Variants in ADAM30 observed in about 807,000 individuals in gnomAD.
ADAM30 encodes disintegrin and metalloproteinase domain-containing protein 30.
For missense variants in ADAM30, 960 were observed against 959.4 expected (o/e 1.00, Z -0.01); for synonymous variants, 382 against 340.9 (o/e 1.12, Z -1.33).
In ADAM30 at chr1:119,896,019, T is replaced by G. The variant is rs1648576629; in HGVS notation, c.318A>C (p.Ile106=). 6.2e-7 allele frequency: 1 copy of G among 1,613,940 alleles called. No individual in the cohort carries two copies. The change falls in exon 1 of 1, where the codon ATA becomes ATC. Residue 106 remains isoleucine (I), a synonymous_variant. Coordinates refer to ENST00000369400, the MANE Select transcript of ADAM30 (RefSeq NM_021794.4). The stretch of plus-strand genomic sequence containing the variant: ...AGCCCATGTAGTTGCAGTCCTTTGG[T>G]ATGTAAGGATGATCCTCCAGCAGTT... ...HGELLEDHPY[I]PKDCNYMGSV... is the part of the protein sequence containing the mutation.
rs1159166802 is a variant in ADAM30 at position 119,896,174 on chromosome 1, C to A, written c.163G>T (p.Val55Leu). Reference sequence around the variant, plus strand: ...GACACGGGACTGACCACACCCTGCACCTCTCCCCGGAAGCTCAGCTTCTCA... The same window carrying A: ...GACACGGGACTGACCACACCCTGCAACTCTCCCCGGAAGCTCAGCTTCTCA... ...IPEKLSFRGE[V>L]QGVVSPVSYL... is the part of the protein sequence containing the mutation. The change falls in exon 1 of 1, where the codon GTG becomes TTG. Residue 55 changes from valine (V) to leucine (L), a missense_variant. By Grantham distance (32) the Val-to-Leu change is conservative (BLOSUM62 1). Coordinates refer to ENST00000369400, the MANE Select transcript of ADAM30 (RefSeq NM_021794.4). 1.2e-6 allele frequency: 2 copies of A among 1,614,186 alleles called. No homozygotes were observed. Among genetic ancestry groups the A allele is most frequent in the South Asian group, 1.1e-5 (1 of 91,076 alleles).
chr1:119,894,569 C>T lies in ADAM30; in HGVS notation c.1768G>A (p.Gly590Ser), dbSNP rs778426205. Residue 590 changes from glycine to serine, a missense_variant, in exon 1 of 1, where the codon GGC (glycine) becomes AGC (serine). Physicochemically the swap from Gly to Ser is moderately conservative, Grantham distance 56 (BLOSUM62 0). Coordinates refer to ENST00000369400, the MANE Select transcript of ADAM30 (RefSeq NM_021794.4). ...QAENLMCWGTGYHLSMKPMGI... is the reference protein window; with the variant it reads ...QAENLMCWGTSYHLSMKPMGI... ...ATGGGTTTCATGGATAGATGATAGC[C>T]TGTGCCCCAGCACATGAGATTTTCT... The T allele has an allele frequency of 6.2e-6, 10 of 1,614,072 alleles. No individual in the cohort carries two copies. The highest frequency in any genetic ancestry group is 7.6e-6 in the Non-Finnish European group (9 of 1,180,038).
At position 119,894,993 on chromosome 1, in the gene ADAM30, A is replaced by G. The variant is rs1290663158; in HGVS notation, c.1344T>C (p.Cys448=). The G allele has an allele frequency of 1.2e-6, 2 of 1,614,222 alleles. No homozygotes were observed. The highest frequency in any genetic ancestry group is 1.7e-6 in the Non-Finnish European group (2 of 1,180,032). Residue 448 remains cysteine, a synonymous_variant, in exon 1 of 1, where the codon TGT becomes TGC. Coordinates refer to ENST00000369400, the MANE Select transcript of ADAM30 (RefSeq NM_021794.4). ...ACACGTATCCAGATGGACGAAACCG[A>G]CAATCATGACAGCAAAGTCCAATGC... The part of the protein sequence containing the change: ...NCSIGLCCHD[C]RFRPSGYVCR...
rs759255911 is a variant in ADAM30, at chr1:119,894,419, T to C, written c.1918A>G (p.Thr640Ala). 3 of 1,613,996 alleles carry C rather than the reference T, an allele frequency of 1.9e-6. 1 individual carries two copies. The highest frequency in any genetic ancestry group is 2.2e-5 in the South Asian group (2 of 91,082). The stretch of plus-strand genomic sequence containing the variant: ...TTTCTGTTGTTGCAAACACCCCGGG[T>C]ATTGCATTTCTCAGGCAAACAGTCA... ...QFDCLPEKCNTRGVCNNRKNC... is the reference protein window; with the variant it reads ...QFDCLPEKCNARGVCNNRKNC... The change falls in exon 1 of 1, where the codon ACC becomes GCC. Residue 640 changes from threonine to alanine, a missense_variant. Coordinates refer to ENST00000369400, the MANE Select transcript of ADAM30 (RefSeq NM_021794.4).
rs138324844 is a variant in ADAM30, at chr1:119,894,116, G to A, written c.2221C>T (p.Gln741Ter). 13 of 1,613,118 alleles carry A rather than the reference G, an allele frequency of 8.1e-6. No homozygotes were observed. In the African/African-American group the frequency reaches 1.1e-4, roughly 13 times the overall value. ...EQEESKTKTV[Q>*]EESKTKTGQE... The stretch of plus-strand genomic sequence containing the variant: ...CCAGTTTTTGTTTTAGATTCTTCCT[G>A]TACAGTTTTTGTTTTAGATTCTTCC... Residue 741 changes from glutamine to a stop codon, truncating the protein, a stop_gained, in exon 1 of 1, where the codon CAG becomes TAG. Transcript: ENST00000369400. LOFTEE classifies it low-confidence loss of function (END_TRUNC).
chr1:119,894,704 T>G lies in ADAM30; in HGVS notation c.1633A>C (p.Lys545Gln), dbSNP rs1648527968. 1 of 1,614,022 alleles carries G rather than the reference T, an allele frequency of 6.2e-7. No individual in the cohort carries two copies. The highest frequency in any genetic ancestry group is 1.7e-5 in the Admixed American group (1 of 59,992). The change falls in exon 1 of 1, where the codon AAA (lysine) becomes CAA (glutamine). Residue 545 changes from lysine to glutamine, a missense_variant. Physicochemically the swap from Lys to Gln is moderately conservative, Grantham distance 53. Coordinates refer to ENST00000369400, the MANE Select transcript of ADAM30 (RefSeq NM_021794.4). ...ATTGAATTTGCACTTTCACACTTTT[T>G]AAAATTTCGAATTCCTGTAATCTCA... ...NCEITGIRNF[K>Q]KCESANSICG...
chr1:119,895,810 T>C lies in ADAM30; in HGVS notation c.527A>G (p.Asp176Gly), dbSNP rs369891328. The change falls in exon 1 of 1, where the codon GAT becomes GGT. Residue 176 changes from aspartate (D) to glycine (G), a missense_variant. Asp to Gly is a moderately conservative substitution (Grantham distance 94). Transcript: ENST00000369400. ...QFGNQVCGLS[D>G]DEIEWQMAPY... ...GGCCATCTGCCATTCTATTTCATCA[T>C]CACTTAAGCCACAAACCTGATTCCC... The C allele has an allele frequency of 2.5e-6, 4 of 1,614,072 alleles. No homozygotes were observed. The Admixed American group carries it at 5.0e-5, about 20-fold the overall frequency.
chr1:119,895,958 T>A lies in ADAM30; in HGVS notation c.379A>T (p.Ser127Cys). ...KESLDSKATISTCMGGLRGVF... is the reference protein window; with the variant it reads ...KESLDSKATICTCMGGLRGVF... ...CCTCGGAGACCCCCCATGCATGTGC[T>A]TATAGTAGCTTTAGAGTCCAGAGAC... The change falls in exon 1 of 1, where the codon AGC becomes TGC. Residue 127 changes from serine to cysteine, a missense_variant. Transcript: ENST00000369400. 6.2e-7 allele frequency: 1 copy of A among 1,614,156 alleles called. No individual in the cohort carries two copies.
Position 119,894,605 on chromosome 1 carries a change from GAGTAGAAATTAT to G in ADAM30, c.1720_1731del (p.Ile574_Thr577del). On this transcript the variant is annotated inframe_deletion, in exon 1 of 1. Transcript: ENST00000369400. ...CACATGAGATTTTCTGCCTGTAAAT[GAGTAGAAATTAT>G]AGTCGTATGCTCTGGCAAATCAGGG... 6.2e-7 allele frequency: 1 copy of G among 1,614,144 alleles called. No homozygotes were observed. Among genetic ancestry groups the G allele is most frequent in the Non-Finnish European group, 8.5e-7 (1 of 1,180,036 alleles).
At position 119,895,971 on chromosome 1, in the gene ADAM30, A is replaced by C; in HGVS notation, c.366T>G (p.Ser122=). The C allele has an allele frequency of 2.5e-6, 4 of 1,614,190 alleles. No homozygotes were observed. The highest frequency in any genetic ancestry group is 3.4e-6 in the Non-Finnish European group (4 of 1,180,038). ...YMGSVKESLD[S]KATISTCMGG... ...CCATGCATGTGCTTATAGTAGCTTT[A>C]GAGTCCAGAGACTCTTTCACGGAGC... The change falls in exon 1 of 1, where the codon TCT becomes TCG. Residue 122 remains serine (S), a synonymous_variant. Transcript: ENST00000369400.
Position 119,894,302 on chromosome 1 carries a change from T to C in ADAM30, c.2035A>G (p.Arg679Gly). 1 of 1,614,198 alleles carries C rather than the reference T, an allele frequency of 6.2e-7. No homozygotes were observed. Among genetic ancestry groups the C allele is most frequent in the Admixed American group, 1.7e-5 (1 of 60,026 alleles). Residue 679 changes from arginine to glycine, a missense_variant, in exon 1 of 1, where the codon AGA becomes GGA. By Grantham distance (125) the Arg-to-Gly change is moderately radical. Transcript: ENST00000369400. Reference protein sequence around the residue: ...SIDSGPPGLLRGAIPSSIWVV... With the variant: ...SIDSGPPGLLGGAIPSSIWVV... ...CAAATTGACGAGGGAATCGCCCCTC[T>C]GAGCAGTCCTGGAGGCCCACTGTCA...
rs1466820627 is a variant in ADAM30, at chr1:119,894,877, G to C, written c.1460C>G (p.Thr487Ser). 1 of 1,614,130 alleles carries C rather than the reference G, an allele frequency of 6.2e-7. No individual in the cohort carries two copies. Among genetic ancestry groups the C allele is most frequent in the South Asian group, 1.1e-5 (1 of 91,072 alleles). ...CPNDVYKQDG[T>S]PCKYEGRCFR... Reference sequence around the variant, plus strand: ...ACAACGGCCTTCATACTTGCAAGGGGTTCCATCCTGCTTATAAACGTCATT... The same window carrying C: ...ACAACGGCCTTCATACTTGCAAGGGCTTCCATCCTGCTTATAAACGTCATT... The change falls in exon 1 of 1, where the codon ACC becomes AGC. Residue 487 changes from threonine to serine, a missense_variant. Transcript: ENST00000369400.
At position 119,895,985 on chromosome 1, in the gene ADAM30, C is replaced by T. The variant is rs1648574890; in HGVS notation, c.352G>A (p.Glu118Lys). The T allele has an allele frequency of 6.2e-7, 1 of 1,614,206 alleles. No individual in the cohort carries two copies. The highest frequency in any genetic ancestry group is 8.5e-7 in the Non-Finnish European group (1 of 1,180,040). Reference protein sequence around the residue: ...KDCNYMGSVKESLDSKATIST... With the variant: ...KDCNYMGSVKKSLDSKATIST... ...ATAGTAGCTTTAGAGTCCAGAGACT[C>T]TTTCACGGAGCCCATGTAGTTGCAG... Residue 118 changes from glutamate to lysine, a missense_variant, in exon 1 of 1, where the codon GAG becomes AAG. Transcript: ENST00000369400.
rs966963262 is a variant in ADAM30 at position 119,896,008 on chromosome 1, C to T, written c.329G>A (p.Cys110Tyr). The change falls in exon 1 of 1, where the codon TGC (cysteine) becomes TAC (tyrosine). Residue 110 changes from cysteine (C) to tyrosine (Y), a missense_variant. Coordinates refer to ENST00000369400, the MANE Select transcript of ADAM30 (RefSeq NM_021794.4). The stretch of plus-strand genomic sequence containing the variant: ...CTCTTTCACGGAGCCCATGTAGTTG[C>T]AGTCCTTTGGTATGTAAGGATGATC... ...LEDHPYIPKD[C>Y]NYMGSVKESL... is the part of the protein sequence containing the mutation. 3.1e-6 allele frequency: 5 copies of T among 1,614,048 alleles called. No homozygotes were observed. The South Asian group carries it at 4.4e-5, about 14-fold the overall frequency.
rs1421941026 is a variant in ADAM30, at chr1:119,895,944, C to A, written c.393G>T (p.Gly131=). 6.2e-7 allele frequency: 1 copy of A among 1,614,102 alleles called. No homozygotes were observed. Among genetic ancestry groups the A allele is most frequent in the Admixed American group, 1.7e-5 (1 of 60,026 alleles). Residue 131 remains glycine, a synonymous_variant, in exon 1 of 1, where the codon GGG becomes GGT. Transcript: ENST00000369400. The stretch of plus-strand genomic sequence containing the variant: ...CAATGTTAAATACACCTCGGAGACC[C>A]CCCATGCATGTGCTTATAGTAGCTT... The part of the protein sequence containing the change: ...DSKATISTCM[G]GLRGVFNIDA...
At position 119,895,430 on chromosome 1, in the gene ADAM30, CATT is replaced by C. The variant is rs754209471; in HGVS notation, c.904_906del (p.Asn302del). 1.2e-6 allele frequency: 2 copies of C among 1,613,698 alleles called. No individual in the cohort carries two copies. Among genetic ancestry groups the C allele is most frequent in the African/African-American group, 2.7e-5 (2 of 74,904 alleles). On this transcript the variant is annotated inframe_deletion, in exon 1 of 1. Transcript: ENST00000369400. ...TTTCCAAACGACCATGCAAGAGCAT[CATT>C]ATATTTTCTTTGAAGATATAAATGT...
At position 119,895,678 on chromosome 1, in the gene ADAM30, T is replaced by C. The variant is rs746769828; in HGVS notation, c.659A>G (p.Asn220Ser). The change falls in exon 1 of 1, where the codon AAC becomes AGC. Residue 220 changes from asparagine (N) to serine (S), a missense_variant. By Grantham distance (46) the Asn-to-Ser change is conservative. Coordinates refer to ENST00000369400, the MANE Select transcript of ADAM30 (RefSeq NM_021794.4). Reference sequence around the variant, plus strand: ...ATGTATGACTTGAGAAAGATTGTTGTTCACAAACCTATACCTACTTTGATC... The same window carrying C: ...ATGTATGACTTGAGAAAGATTGTTGCTCACAAACCTATACCTACTTTGATC... ...LFDQSRYRFV[N>S]NNLSQVIHDA... 5.0e-6 allele frequency: 8 copies of C among 1,614,144 alleles called. No individual in the cohort carries two copies. The Admixed American group carries it at 1.3e-4, about 27-fold the overall frequency.
At position 119,893,700 on chromosome 1, in the gene ADAM30, A is replaced by T; in HGVS notation, c.*264T>A. 1 of 536,142 alleles carries T rather than the reference A, an allele frequency of 1.9e-6. No individual in the cohort carries two copies. The highest frequency in any genetic ancestry group is 3.1e-6 in the Non-Finnish European group (1 of 324,888). 33.2% of individuals were successfully genotyped at this position (536,142 alleles called of 1,614,324 possible). On this transcript the variant is annotated 3_prime_UTR_variant, in exon 1 of 1. Transcript: ENST00000369400. The stretch of plus-strand genomic sequence containing the variant: ...TAATTCTAGGAAACTCACTACTTTC[A>T]GAGCTTTAGTGTATGGAAAAGCCAT...
In ADAM30 at chr1:119,895,023, G is replaced by T. The variant is rs1310538487; in HGVS notation, c.1314C>A (p.Asn438Lys). The change falls in exon 1 of 1, where the codon AAC (asparagine) becomes AAA (lysine). Residue 438 changes from asparagine to lysine, a missense_variant. By Grantham distance (94) the Asn-to-Lys change is moderately conservative (BLOSUM62 0). Coordinates refer to ENST00000369400, the MANE Select transcript of ADAM30 (RefSeq NM_021794.4). ...CATGACAGCAAAGTCCAATGCTACA[G>T]TTGGCACCTGGTTGCAACTTACAAT... is the stretch of plus-strand genomic sequence containing the variant. ...QSNCKLQPGA[N>K]CSIGLCCHDC... is the part of the protein sequence containing the mutation. 1.1e-5 allele frequency: 17 copies of T among 1,614,056 alleles called. No homozygotes were observed. Among genetic ancestry groups the T allele is most frequent in the East Asian group, 4.5e-5 (2 of 44,898 alleles).
Sources: gnomAD v4.1 joint callset for allele counts on GRCh38, gnomAD v4.1.1 for gene constraint, MANE v1.5 for transcripts, NCBI Gene and HGNC (gene_info 2026-07-23, HGNC 2026-07-21) for gene names.